The following NT5DC1 variants were observed in gnomAD, a reference collection of about 807,000 sequenced individuals.
The protein encoded by NT5DC1 is 5'-nucleotidase domain containing 1, also known as 5'-nucleotidase domain-containing protein 1.
A neutral mutation model predicts 59.4 loss-of-function variants in NT5DC1; 42 were observed. The ratio of observed to expected loss-of-function variants is 0.71; its 90% CI spans 0.55 to 0.92. NT5DC1 has a LOEUF of 0.92. NT5DC1 is among the 40% of genes least tolerant of loss of function. The pLI is 0.00. For missense variants in NT5DC1, 501 were observed against 537.1 expected (o/e 0.93, Z 0.66); for synonymous variants, 172 against 188.1 (o/e 0.91, Z 0.70).
intron 4 of NT5DC1, among the ~76,000 whole-genome samples, chr6:116,114,271 A>G (rs1339519587): frequency 1.3e-5 from 2 of 152,158 alleles, no homozygotes; most frequent in Non-Finnish European, 2.9e-5. Context: ...TATACATTTT[A>G]AAATAAATTT....
At chr6:116,103,194 A>G (rs536984348) in intron 1 of NT5DC1, among the ~76,000 whole-genome samples, 5 of 152,328 alleles carry the variant, frequency 3.3e-5, no homozygotes, top group Admixed American at 6.5e-5. Flanking sequence ...ACTGGACTCA[A>G]TAAATAGACT....
In NT5DC1 at chr6:116,162,943, T is replaced by C. The variant is rs544966245; in HGVS notation, c.529+44998T>C. On this transcript the variant is annotated intron_variant, in intron 6 of 11. Transcript: ENST00000319550. ...GAGATCGAGACCATCCTAGCTAACA[T>C]GGTGAAACCCCGTCTCTACTAAATA... 2.1e-4 allele frequency among the ~76,000 whole-genome samples: 32 copies of C among 151,786 alleles called. No homozygotes were observed. The South Asian group carries it at 5.8e-3, about 28-fold the overall frequency.
intron 6 of NT5DC1, among the ~76,000 whole-genome samples, chr6:116,154,347 T>C (rs904059247): frequency 3.3e-5 from 5 of 152,158 alleles, no homozygotes; most frequent in Admixed American, 1.3e-4. Flanking sequence ...TGTTCCTGTA[T>C]CCTAACACCG....
chr6:116,182,047 A>G (rs1053536328), intron 6 of NT5DC1, among the ~76,000 whole-genome samples: 1 of 151,904 alleles, frequency 6.6e-6, no homozygotes, highest in African/African-American at 2.4e-5. Context: ...CGCGTCCCCA[A>G]AGTCCAGTGT....
At chr6:116,145,884 A>G (rs757047325) in intron 6 of NT5DC1, among the ~76,000 whole-genome samples, 2 of 152,232 alleles carry the variant, frequency 1.3e-5, no homozygotes, top group Non-Finnish European at 2.9e-5. Flanking sequence ...CATTTATGTG[A>G]TGGTATTTGA....
chr6:116,186,450 C>T (rs920505773), intron 6 of NT5DC1, among the ~76,000 whole-genome samples: 44 of 152,052 alleles, frequency 2.9e-4, no homozygotes, highest in African/African-American at 1.0e-3. Context: ...AAGTTGTCCT[C>T]GATTATTCCC....
chr6:116,172,843 C>T (rs1008408205), intron 6 of NT5DC1, among the ~76,000 whole-genome samples: 1 of 151,976 alleles, frequency 6.6e-6, no homozygotes, highest in Non-Finnish European at 1.5e-5. Flanking sequence ...ATCTACTCTC[C>T]TTGTTTTTAT....
At chr6:116,134,434 G>A (rs1297427491) in intron 6 of NT5DC1, among the ~76,000 whole-genome samples, 1 of 152,136 alleles carries the variant, frequency 6.6e-6, no homozygotes, top group East Asian at 1.9e-4. Context: ...CGTAATTCAA[G>A]GACTATGGGT....
At chr6:116,223,968 AATG>A (rs1445300653) in intron 8 of NT5DC1, among the ~76,000 whole-genome samples, 5 of 152,216 alleles carry the variant, frequency 3.3e-5, no homozygotes, top group South Asian at 2.1e-4. Flanking sequence ...TTTTAAACAG[AATG>A]ATAAAATTAA....
intron 6 of NT5DC1, among the ~76,000 whole-genome samples, chr6:116,219,343 C>A (rs1206360545): frequency 6.6e-6 from 1 of 152,096 alleles, no homozygotes; most frequent in Admixed American, 6.6e-5. Flanking sequence ...GATATTCCCC[C>A]CTTTATAGGT....
At chr6:116,176,951 A>C (rs1052355077) in intron 6 of NT5DC1, among the ~76,000 whole-genome samples, 16 of 152,240 alleles carry the variant, frequency 1.1e-4, no homozygotes, top group African/African-American at 3.6e-4. Flanking sequence ...AAAGTTTATA[A>C]GAACTTTAGA....
chr6:116,101,135 G>A, intron 1 of NT5DC1, 112 bp downstream of exon 1: 2 of 723,634 alleles, frequency 2.8e-6, no homozygotes, highest in Non-Finnish European at 4.3e-6. Context: ...TGCGGCGGCC[G>A]AGTCTTGCCG....
intron 6 of NT5DC1, among the ~76,000 whole-genome samples, chr6:116,182,598 T>A (rs1172472670): frequency 6.6e-6 from 1 of 152,068 alleles, no homozygotes; most frequent in African/African-American, 2.4e-5. Context: ...TAAGGTGGTA[T>A]CACATTATGG....
At chr6:116,227,572 C>T (rs111290579) in intron 8 of NT5DC1, among the ~76,000 whole-genome samples, 40 of 152,204 alleles carry the variant, frequency 2.6e-4, no homozygotes, top group African/African-American at 9.6e-4. Context: ...AACTAATTTA[C>T]AATCCCACCA....
At chr6:116,136,250 G>A (rs1779598168) in intron 6 of NT5DC1, among the ~76,000 whole-genome samples, 1 of 151,932 alleles carries the variant, frequency 6.6e-6, no homozygotes, top group African/African-American at 2.4e-5. Flanking sequence ...CATCCATGTT[G>A]TCAAAAATAG....
At chr6:116,150,435 C>T (rs1780011552) in intron 6 of NT5DC1, among the ~76,000 whole-genome samples, 1 of 152,076 alleles carries the variant, frequency 6.6e-6, no homozygotes, top group Non-Finnish European at 1.5e-5. Context: ...CAGGTGCCCG[C>T]CACCACACCC....
chr6:116,179,769 C>G (rs1042743844), intron 6 of NT5DC1, among the ~76,000 whole-genome samples: 2 of 151,978 alleles, frequency 1.3e-5, no homozygotes, highest in African/African-American at 4.8e-5. Context: ...CTTTGATGTC[C>G]TGGTTTGGTT....
intron 6 of NT5DC1, among the ~76,000 whole-genome samples, chr6:116,217,068 G>A (rs898562038): frequency 2.6e-5 from 4 of 152,176 alleles, no homozygotes; most frequent in African/African-American, 9.6e-5. Context: ...CATGCAAACA[G>A]TAGTGATACA....
At chr6:116,143,098 A>G (rs149747453) in intron 6 of NT5DC1, among the ~76,000 whole-genome samples, 54 of 152,358 alleles carry the variant, frequency 3.5e-4, no homozygotes, top group African/African-American at 1.1e-3. Context: ...TAATATTTAG[A>G]AATAATATTA....
Sources: gnomAD v4.1 joint callset for allele counts (sites outside exome capture counted in the v4.1 genomes callset) on GRCh38, gnomAD v4.1.1 for gene constraint, MANE v1.5 for transcripts, NCBI Gene and HGNC (gene_info 2026-07-23, HGNC 2026-07-21) for gene names.